The following SNX29 variants were observed in gnomAD, a reference collection of about 807,000 sequenced individuals.
SNX29 encodes the protein sorting nexin 29.
A neutral mutation model predicts 102.1 loss-of-function variants in SNX29; 78 were observed. That is an observed-to-expected ratio of 0.76 (90% CI 0.64 to 0.92). The LOEUF (loss-of-function observed/expected upper bound fraction) is 0.92, where lower values mean the gene tolerates loss of function less well. SNX29 is among the 40% of genes least tolerant of loss of function. SNX29 has a pLI of 0.00. For missense variants in SNX29, 1,280 were observed against 1,061.7 expected, an observed-to-expected ratio of 1.21 and a Z score of -2.86; for synonymous variants, 580 against 414.5, an observed-to-expected ratio of 1.40 and a Z score of -4.85.
At chr16:12,143,323 A>G (rs1001928222) in intron 13 of SNX29, among the ~76,000 whole-genome samples, 1 of 152,170 alleles carries the variant, frequency 6.6e-6, no homozygotes, top group African/African-American at 2.4e-5. Context: ...TTTAACCTTC[A>G]GTCTGACAGC....
chr16:12,219,195 G>A (rs1479352769), intron 14 of SNX29, among the ~76,000 whole-genome samples: 2 of 151,856 alleles, frequency 1.3e-5, no homozygotes, highest in South Asian at 2.1e-4. Flanking sequence ...TGGGTGCAGC[G>A]TCCATCATTT....
At chr16:12,383,469 C>T (rs1225456480) in intron 16 of SNX29, among the ~76,000 whole-genome samples, 1 of 152,056 alleles carries the variant, frequency 6.6e-6, no homozygotes, top group Non-Finnish European at 1.5e-5. Context: ...CAGAGTCTCG[C>T]TCTCTTGCCC....
intron 10 of SNX29, among the ~76,000 whole-genome samples, chr16:12,070,705 G>A (rs1266014488): frequency 6.6e-6 from 1 of 151,844 alleles, no homozygotes; most frequent in Non-Finnish European, 1.5e-5. Context: ...TAATGGGATG[G>A]CTGGGTCAAA....
At chr16:12,510,848 TG>T in intron 19 of SNX29, among the ~76,000 whole-genome samples, 2 of 152,072 alleles carry the variant, frequency 1.3e-5, no homozygotes, top group South Asian at 4.1e-4. Context: ...TCATTTGTTG[TG>T]TCCTGCTGAG....
intron 20 of SNX29, among the ~76,000 whole-genome samples, chr16:12,550,920 A>G (rs1323297834): frequency 1.3e-5 from 2 of 152,202 alleles, no homozygotes; most frequent in African/African-American, 4.8e-5. Context: ...GGTTTTATTT[A>G]AGTGGAAATA....
intron 6 of SNX29, 34 bp from the exon 7 acceptor site, chr16:12,048,338 C>T (rs536690531): frequency 1.9e-5 from 31 of 1,613,598 alleles, no homozygotes; most frequent in Non-Finnish European, 2.5e-5. Context: ...TGCCCATCAG[C>T]AAGCACTCCA....
intron 9 of SNX29, among the ~76,000 whole-genome samples, chr16:12,064,853 C>T (rs2050952758): frequency 2.0e-5 from 3 of 152,250 alleles, no homozygotes; most frequent in Non-Finnish European, 4.4e-5. Flanking sequence ...GGGACATCTT[C>T]CTTCCTTAGA....
intron 15 of SNX29, among the ~76,000 whole-genome samples, chr16:12,328,384 T>G (rs2081187293): frequency 6.6e-6 from 1 of 152,212 alleles, no homozygotes; most frequent in Non-Finnish European, 1.5e-5. Flanking sequence ...AAGAAAATTC[T>G]TCTACAAGCC....
chr16:12,295,697 G>C (rs959334495), intron 15 of SNX29, among the ~76,000 whole-genome samples: 6 of 151,966 alleles, frequency 3.9e-5, no homozygotes, highest in East Asian at 3.9e-4. Context: ...TATTTCTCTG[G>C]GTCACACAGG....
intron 20 of SNX29, 146 bp downstream of exon 20, chr16:12,524,987 C>G: frequency 8.4e-7 from 1 of 1,187,070 alleles, no homozygotes; most frequent in African/African-American, 1.5e-5. Context: ...GTTCCAGGTG[C>G]CAAAGTGGAG....
intron 15 of SNX29, among the ~76,000 whole-genome samples, chr16:12,346,287 C>T (rs1005048537): frequency 6.6e-6 from 1 of 152,132 alleles, no homozygotes; most frequent in East Asian, 1.9e-4. Flanking sequence ...GTACTGGACA[C>T]TTCTGCTGGT....
intron 1 of SNX29, among the ~76,000 whole-genome samples, chr16:11,993,086 A>T (rs2150993373): frequency 6.6e-6 from 1 of 152,198 alleles, no homozygotes; most frequent in East Asian, 1.9e-4. Flanking sequence ...AATTGCTTGA[A>T]CATGGGAGGT....
intron 15 of SNX29, among the ~76,000 whole-genome samples, chr16:12,312,991 T>C (rs910070327): frequency 5.3e-5 from 8 of 150,718 alleles, no homozygotes; most frequent in African/African-American, 1.9e-4. Flanking sequence ...ATAAAGGAGC[T>C]TCGGACCCTG....
chr16:12,287,795 G>C (rs191265700), intron 15 of SNX29, among the ~76,000 whole-genome samples: 2 of 152,162 alleles, frequency 1.3e-5, no homozygotes, highest in African/African-American at 4.8e-5. Context: ...TAATCCATAT[G>C]TTCTGTCACC....
intron 14 of SNX29, among the ~76,000 whole-genome samples, chr16:12,259,626 T>C (rs1250068310): frequency 6.6e-6 from 1 of 152,216 alleles, no homozygotes; most frequent in East Asian, 1.9e-4. Context: ...TTTCTAGTTT[T>C]TCTTACCTTT....
Position 12,559,131 on chromosome 16 carries a change from C to T in SNX29, c.2319-9375C>T, listed in dbSNP as rs537471485. On this transcript the variant is annotated intron_variant, in intron 20 of 20. Transcript: ENST00000566228. ...GTAGTCAAATCAGGCTTGGATCCCT[C>T]TTCTGGTCCCCAACCCCTGGCCCAG... is the stretch of plus-strand genomic sequence containing the variant. Among the ~76,000 whole-genome samples the T allele has an allele frequency of 4.9e-4, 75 of 152,252 alleles. 1 individual carries two copies. Among genetic ancestry groups the T allele is most frequent in the African/African-American group, 1.7e-3 (72 of 41,526 alleles).
rs1180512912 is a variant in SNX29, at chr16:12,572,634, C to T, written c.*4005C>T. On this transcript the variant is annotated 3_prime_UTR_variant, in exon 21 of 21. Coordinates refer to ENST00000566228, the MANE Select transcript of SNX29 (RefSeq NM_032167.5). ...CCGGCTACCCCCAGAATCCATCCTTCATTCCTCCACCAAGCTCCTGTGTGA... is the reference window on the plus strand; with the variant it reads ...CCGGCTACCCCCAGAATCCATCCTTTATTCCTCCACCAAGCTCCTGTGTGA... 22 of 1,063,878 alleles carry T rather than the reference C, an allele frequency of 2.1e-5. No individual in the cohort carries two copies. Among genetic ancestry groups the T allele is most frequent in the Non-Finnish European group, 2.5e-5 (22 of 878,448 alleles). The allele number at this position is 1,063,878 out of a possible 1,614,324, so 65.9% of individuals were successfully genotyped here. A position where few individuals can be genotyped will look rare whatever the true frequency, so the allele number is the denominator to read the frequency against.
At chr16:12,387,961 CAG>C (rs1346278750) in intron 16 of SNX29, among the ~76,000 whole-genome samples, 1 of 152,162 alleles carries the variant, frequency 6.6e-6, no homozygotes, top group Non-Finnish European at 1.5e-5. Flanking sequence ...TAGCAGCAAA[CAG>C]AGAGCCTCTT....
intron 9 of SNX29, among the ~76,000 whole-genome samples, chr16:12,067,031 A>G (rs184327075): frequency 1.5e-4 from 18 of 120,736 alleles, no homozygotes; most frequent in African/African-American, 4.6e-4. Flanking sequence ...AAATAAATAA[A>G]TAAGCAGGCC....
Sources: allele counts gnomAD v4.1 joint callset (sites outside exome capture counted in the v4.1 genomes callset), GRCh38; gene constraint gnomAD v4.1.1; transcripts MANE v1.5; gene names NCBI Gene and HGNC (gene_info 2026-07-23, HGNC 2026-07-21).